Variants in TBCK observed in about 807,000 individuals in gnomAD.
TBCK encodes the protein TBC domain-containing protein kinase-like protein.
Under a neutral mutation model 113.4 loss-of-function variants are expected in TBCK, and 99 were observed. That is an observed-to-expected ratio of 0.87 (90% CI 0.74 to 1.03). The LOEUF (loss-of-function observed/expected upper bound fraction) is 1.03, where lower values mean the gene tolerates loss of function less well. Ranked by LOEUF, TBCK falls within the 50% of genes least tolerant of loss-of-function variation. TBCK has a pLI of 0.00. For synonymous variants in TBCK, 369 were observed against 370.8 expected (o/e 1.00, Z 0.05); for missense variants, 1,045 against 1,061.3 (o/e 0.98, Z 0.21).
intron 22 of TBCK, among the ~76,000 whole-genome samples, chr4:106,177,210 C>G (rs1319760155): frequency 6.6e-6 from 1 of 151,742 alleles, no homozygotes; most frequent in Non-Finnish European, 1.5e-5. Flanking sequence ...TTTGGCTATT[C>G]ATTTGAGTTC....
chr4:106,311,876 TA>T (rs570545780), intron 1 of TBCK, among the ~76,000 whole-genome samples: 10 of 152,054 alleles, frequency 6.6e-5, no homozygotes, highest in Non-Finnish European at 1.5e-4. Context: ...GATATTCATA[TA>T]AAAAAATAAT....
intron 2 of TBCK, among the ~76,000 whole-genome samples, chr4:106,306,660 A>C (rs1767561196): frequency 6.6e-6 from 1 of 152,144 alleles, no homozygotes; most frequent in Non-Finnish European, 1.5e-5. Context: ...AAAGCAGTGG[A>C]CAAGAAAGAC....
chr4:106,166,443 G>A (rs1750379668), intron 23 of TBCK, among the ~76,000 whole-genome samples: 1 of 151,678 alleles, frequency 6.6e-6, no homozygotes, highest in Non-Finnish European at 1.5e-5. Flanking sequence ...TAGCAGACAG[G>A]AGAAATAAAT....
At chr4:106,260,939 T>C (rs1167204330) in intron 4 of TBCK, among the ~76,000 whole-genome samples, 18 of 152,018 alleles carry the variant, frequency 1.2e-4, no homozygotes, top group Admixed American at 1.1e-3. Context: ...AACTGTGAAA[T>C]AGGAAAACTT....
intron 3 of TBCK, among the ~76,000 whole-genome samples, chr4:106,271,160 A>C (rs1293783160): frequency 4.6e-5 from 7 of 152,110 alleles, no homozygotes; most frequent in African/African-American, 1.7e-4. Context: ...ATTTCACCTA[A>C]CCTTGAACTA....
At chr4:106,092,534 G>T (rs191146358) in intron 25 of TBCK, among the ~76,000 whole-genome samples, 39 of 152,342 alleles carry the variant, frequency 2.6e-4, no homozygotes, top group African/African-American at 8.2e-4. Flanking sequence ...TGCAGGTCCC[G>T]AGCCCTGCCC....
rs145973389 is a variant in TBCK at position 106,162,948 on chromosome 4, T to G, written c.2235+8147A>C. On this transcript the variant is annotated intron_variant, in intron 23 of 25. Transcript: ENST00000394708. ...CTTATGCAAATGTCTGCAGCTGGCT[T>G]GAATTTCTCCCCAGGAAATGGGTTT... 3.0e-3 allele frequency among the ~76,000 whole-genome samples: 457 copies of G among 152,260 alleles called. 8 individuals are homozygous for G. In the East Asian group the frequency reaches 0.039, roughly 13 times the overall value.
chr4:106,124,776 T>A (rs1185476472), intron 23 of TBCK, among the ~76,000 whole-genome samples: 3 of 151,260 alleles, frequency 2.0e-5, no homozygotes, highest in African/African-American at 4.9e-5. Context: ...CCGCATATTC[T>A]CACTCATAGG....
chr4:106,292,894 C>T (rs1560978782), intron 3 of TBCK, among the ~76,000 whole-genome samples: 1 of 152,318 alleles, frequency 6.6e-6, no homozygotes, highest in South Asian at 2.1e-4. Context: ...AAAGTGGCTG[C>T]ATTCAAAGCC....
intron 25 of TBCK, among the ~76,000 whole-genome samples, chr4:106,075,604 T>C (rs1738090527): frequency 6.6e-6 from 1 of 152,214 alleles, no homozygotes; most frequent in South Asian, 2.1e-4. Context: ...TTGTACATCA[T>C]AGATGACGTA....
intron 6 of TBCK, chr4:106,250,960 C>G (rs1761361915): frequency 6.2e-6 from 1 of 161,686 alleles, no homozygotes; most frequent in Non-Finnish European, 1.4e-5. Context: ...GACAGCCATC[C>G]TTCATGCTCC....
intron 19 of TBCK, among the ~76,000 whole-genome samples, chr4:106,215,808 G>A (rs1163231881): frequency 6.6e-5 from 10 of 150,862 alleles, no homozygotes; most frequent in Non-Finnish European, 1.0e-4. Flanking sequence ...ACAGATCAAC[G>A]AGACAGAAAG....
At chr4:106,150,969 C>T (rs1748412146) in intron 23 of TBCK, among the ~76,000 whole-genome samples, 1 of 151,954 alleles carries the variant, frequency 6.6e-6, no homozygotes, top group Admixed American at 6.6e-5. Context: ...TTCCTTAATG[C>T]ACCCATAAGT....
intron 23 of TBCK, among the ~76,000 whole-genome samples, chr4:106,129,364 C>A (rs1317777723): frequency 6.6e-6 from 1 of 152,144 alleles, no homozygotes; most frequent in Non-Finnish European, 1.5e-5. Context: ...CATTGTTCAG[C>A]TCCCACTTAT....
At position 106,240,005 on chromosome 4, in the gene TBCK, C is replaced by G. The variant is rs948997724; in HGVS notation, c.1170+2465G>C. Among the ~76,000 whole-genome samples the G allele has an allele frequency of 2.0e-5, 3 of 151,952 alleles. No individual in the cohort carries two copies. In the South Asian group the frequency reaches 6.2e-4, roughly 32 times the overall value. On this transcript the variant is annotated intron_variant, in intron 12 of 25. Transcript: ENST00000394708. ...AACAAAATATTAGAAAATCAAAACA[C>G]AAATGTATAAAAAAGGAAAAATGAA...
chr4:106,223,275 C>T (rs1447675656), intron 19 of TBCK, among the ~76,000 whole-genome samples: 6 of 152,130 alleles, frequency 3.9e-5, no homozygotes, highest in Admixed American at 6.5e-5. Flanking sequence ...TATTCTCTCG[C>T]TCTCATTGTT....
chr4:106,258,737 G>A (rs952219183), intron 5 of TBCK, among the ~76,000 whole-genome samples: 5 of 151,886 alleles, frequency 3.3e-5, no homozygotes, highest in Non-Finnish European at 7.4e-5. Context: ...AGAAGCAGCA[G>A]CAATCACTTG....
intron 25 of TBCK, among the ~76,000 whole-genome samples, chr4:106,070,667 T>C (rs1230394818): frequency 3.3e-5 from 5 of 152,152 alleles, no homozygotes; most frequent in African/African-American, 1.2e-4. Flanking sequence ...TAAAATGAGT[T>C]AGGGAGGATT....
intron 25 of TBCK, among the ~76,000 whole-genome samples, chr4:106,055,568 A>AC (rs1264630453): frequency 1.3e-5 from 2 of 151,486 alleles, no homozygotes; most frequent in Non-Finnish European, 3.0e-5. Flanking sequence ...ACACACACAC[A>AC]CACACACATA....
Sources: allele counts gnomAD v4.1 joint callset (sites outside exome capture counted in the v4.1 genomes callset), GRCh38; gene constraint gnomAD v4.1.1; transcripts MANE v1.5; gene names NCBI Gene and HGNC (gene_info 2026-07-23, HGNC 2026-07-21).